PIEZO2: variants seen among roughly 807,000 people sequenced by gnomAD.
PIEZO2 encodes piezo type mechanosensitive ion channel component 2, also known as piezo-type mechanosensitive ion channel component 2.
In PIEZO2, 172 loss-of-function variants were observed where a neutral mutation model predicts 337.3. The observed-to-expected ratio is 0.51, with a 90% CI of 0.45 to 0.58. PIEZO2 has a LOEUF of 0.58. Among genes scored for constraint, PIEZO2 ranks in the 20% least tolerant of loss-of-function variants. PIEZO2 has a pLI of 0.00. For synonymous variants in PIEZO2, 1,251 were observed against 1,228.5 expected (o/e 1.02, Z -0.38); for missense variants, 3,028 against 3,391.3 (o/e 0.89, Z 2.66).
chr18:11,036,973 CAT>C lies in PIEZO2; in HGVS notation c.160+29152_160+29153del, dbSNP rs2036943377. ...TTTCTTATTTGTGTGCGTGTGTTTG[CAT>C]GTGTGTGTGTGACAGAGCGAGACTC... On this transcript the variant is annotated intron_variant, in intron 2 of 55. Coordinates refer to ENST00000674853, the MANE Select transcript of PIEZO2 (RefSeq NM_001378183.1). Among the ~76,000 whole-genome samples the C allele has an allele frequency of 2.0e-5, 3 of 152,116 alleles. No individual in the cohort carries two copies. In the South Asian group the frequency reaches 6.2e-4, roughly 32 times the overall value.
At chr18:11,139,034 T>A (rs955455215) in intron 1 of PIEZO2, among the ~76,000 whole-genome samples, 1 of 152,254 alleles carries the variant, frequency 6.6e-6, no homozygotes, top group African/African-American at 2.4e-5. Context: ...GCCAATGTTT[T>A]ACTCATAATC....
At position 11,028,602 on chromosome 18, in the gene PIEZO2, GCTTTATC is replaced by G. The variant is rs2036622211; in HGVS notation, c.160+37518_160+37524del. Among the ~76,000 whole-genome samples, 3 of 152,186 alleles carry G rather than the reference GCTTTATC, an allele frequency of 2.0e-5. No homozygotes were observed. The highest frequency in any genetic ancestry group is 4.4e-5 in the Non-Finnish European group (3 of 68,032). On this transcript the variant is annotated intron_variant, in intron 2 of 55. Coordinates refer to ENST00000674853, the MANE Select transcript of PIEZO2 (RefSeq NM_001378183.1). This position sits in a 1 kb window ranked among gnomAD's most constrained non-coding sequence, Gnocchi z 4.8. The stretch of plus-strand genomic sequence containing the variant: ...ATATGGTCATTGACACTGTCCTTCA[GCTTTATC>G]TGAACACCCCCATAACAATGTGTGA...
At chr18:10,721,710 A>G (rs916005817) in intron 36 of PIEZO2, among the ~76,000 whole-genome samples, 1 of 152,230 alleles carries the variant, frequency 6.6e-6, no homozygotes, top group Non-Finnish European at 1.5e-5. Flanking sequence ...ACAGAGTCTG[A>G]AAACACACCC....
chr18:10,925,624 G>T (rs147680745), intron 3 of PIEZO2, among the ~76,000 whole-genome samples: 2 of 152,282 alleles, frequency 1.3e-5, no homozygotes, highest in African/African-American at 4.8e-5. Flanking sequence ...CTGTCCCCCA[G>T]ACTGGAGTGC....
chr18:10,840,631 T>TA (rs141692621), intron 7 of PIEZO2, among the ~76,000 whole-genome samples: 16 of 147,518 alleles, frequency 1.1e-4, no homozygotes, highest in South Asian at 4.3e-4. Context: ...CTTTTGACAA[T>TA]AAAAAAAAAA....
intron 5 of PIEZO2, among the ~76,000 whole-genome samples, chr18:10,860,515 G>A (rs1443510215): frequency 6.6e-6 from 1 of 152,158 alleles, no homozygotes; most frequent in Non-Finnish European, 1.5e-5. Flanking sequence ...GCTATCGCCA[G>A]GACACCCACA....
chr18:10,921,000 C>T (rs555296283), intron 3 of PIEZO2, among the ~76,000 whole-genome samples: 29 of 152,228 alleles, frequency 1.9e-4, no homozygotes, highest in African/African-American at 7.0e-4. Context: ...TTGCAGTGAG[C>T]CAAGATCCTG....
chr18:11,012,646 A>G (rs1186602512), intron 2 of PIEZO2, among the ~76,000 whole-genome samples: 1 of 152,230 alleles, frequency 6.6e-6, no homozygotes, highest in Admixed American at 6.5e-5. Context: ...TAAACCAGAA[A>G]CTAGGCAGCC....
Position 10,705,366 on chromosome 18 carries a change from T to C in PIEZO2, c.5969A>G (p.Glu1990Gly). 3 of 1,536,756 alleles carry C rather than the reference T, an allele frequency of 2.0e-6. No individual in the cohort carries two copies. In the South Asian group the frequency reaches 3.6e-5, roughly 18 times the overall value. Residue 1990 changes from glutamate (E) to glycine (G), a missense_variant, in exon 41 of 56, where the codon GAG becomes GGG. This residue lies in a region of PIEZO2 where 1,925 missense variants were observed against 2,051.9 expected (regional missense o/e 0.94). Transcript: ENST00000674853. Reference sequence around the variant, plus strand: ...CAGCAGCAGCTCGCTGGCCGTCAGCTCATGGGTCAGGGGAGGTAAGATGCT... The same window carrying C: ...CAGCAGCAGCTCGCTGGCCGTCAGCCCATGGGTCAGGGGAGGTAAGATGCT... Reference protein sequence around the residue: ...GSSILPPLTHELTASELLLKK... With the variant: ...GSSILPPLTHGLTASELLLKK...
intron 54 of PIEZO2, among the ~76,000 whole-genome samples, chr18:10,674,058 G>A (rs777615574): frequency 6.6e-6 from 1 of 152,154 alleles, no homozygotes; most frequent in Non-Finnish European, 1.5e-5. Context: ...AATGGTACTT[G>A]ACAAAAAATG....
rs554105970 is a variant in PIEZO2, at chr18:10,713,518, C to A, written c.5423+1246G>T. Among the ~76,000 whole-genome samples, 5 of 152,120 alleles carry A rather than the reference C, an allele frequency of 3.3e-5. No homozygotes were observed. The highest frequency in any genetic ancestry group is 1.2e-4 in the African/African-American group (5 of 41,428). ...ATACTTTTCCAGGTCATTAGTGCCTCGCTCTAAAGTGTGACTCTAAAGCCA... is the reference window on the plus strand; with the variant it reads ...ATACTTTTCCAGGTCATTAGTGCCTAGCTCTAAAGTGTGACTCTAAAGCCA... On this transcript the variant is annotated intron_variant, in intron 39 of 55. Transcript: ENST00000674853. The surrounding 1 kb of genome is among the most constrained non-coding windows in gnomAD (Gnocchi z 4.5).
chr18:10,864,628 C>T (rs1016764062), intron 5 of PIEZO2, among the ~76,000 whole-genome samples: 1 of 152,062 alleles, frequency 6.6e-6, no homozygotes. Flanking sequence ...ATAAACATGC[C>T]CATAGATAAA....
At chr18:10,823,902 T>C (rs903706829) in intron 7 of PIEZO2, among the ~76,000 whole-genome samples, 9 of 152,238 alleles carry the variant, frequency 5.9e-5, no homozygotes, top group African/African-American at 2.2e-4. Flanking sequence ...CCACATTTCG[T>C]TCTGCCAGCA....
intron 1 of PIEZO2, among the ~76,000 whole-genome samples, chr18:11,072,121 C>A (rs1457736467): frequency 1.3e-5 from 2 of 152,188 alleles, no homozygotes; most frequent in South Asian, 4.1e-4. Flanking sequence ...TATGTCTCAT[C>A]CAGCACCCCT....
intron 2 of PIEZO2, among the ~76,000 whole-genome samples, chr18:10,998,599 T>C (rs2035418742): frequency 6.6e-6 from 1 of 152,116 alleles, no homozygotes; most frequent in Non-Finnish European, 1.5e-5. Flanking sequence ...TCATAACTCA[T>C]GCTAACTCCA....
intron 12 of PIEZO2, among the ~76,000 whole-genome samples, chr18:10,796,093 G>A (rs1568067528): frequency 6.6e-6 from 1 of 152,014 alleles, no homozygotes; most frequent in Non-Finnish European, 1.5e-5. Context: ...GGCCGGGCTT[G>A]GTGACTCATG....
chr18:11,037,103 T>C (rs943323079), intron 2 of PIEZO2, among the ~76,000 whole-genome samples: 2 of 152,188 alleles, frequency 1.3e-5, no homozygotes, highest in Non-Finnish European at 2.9e-5. Flanking sequence ...TAGCTGGGAT[T>C]ACAGACACCC....
chr18:10,833,513 T>C lies in PIEZO2; in HGVS notation c.917+21840A>G, dbSNP rs1250265756. Reference sequence around the variant, plus strand: ...GCTCCCCGGTGGGTTTTTATTTCTGTTGGAGTTCAGAATAACCCGTCTGTG... The same window carrying C: ...GCTCCCCGGTGGGTTTTTATTTCTGCTGGAGTTCAGAATAACCCGTCTGTG... On this transcript the variant is annotated intron_variant, in intron 7 of 55. Coordinates refer to ENST00000674853, the MANE Select transcript of PIEZO2 (RefSeq NM_001378183.1). This position sits in a 1 kb window ranked among gnomAD's most constrained non-coding sequence, Gnocchi z 4.7. Among the ~76,000 whole-genome samples the C allele has an allele frequency of 1.3e-5, 2 of 152,060 alleles. No individual in the cohort carries two copies. Among genetic ancestry groups the C allele is most frequent in the Non-Finnish European group, 1.5e-5 (1 of 67,990 alleles).
In PIEZO2 at chr18:11,094,485, C is replaced by CAT. The variant is rs1281371403; in HGVS notation, c.65-28264_65-28263insAT. On this transcript the variant is annotated intron_variant, in intron 1 of 55. Transcript: ENST00000674853. This position sits in a 1 kb window ranked among gnomAD's most constrained non-coding sequence, Gnocchi z 4.4. ...ACACAGGACCAACATGCAGGAGACT[C>CAT]AGACAGTTGTAGGTGCCTGAGAGTA... Among the ~76,000 whole-genome samples, 1 of 152,158 alleles carries CAT rather than the reference C, an allele frequency of 6.6e-6. No individual in the cohort carries two copies. Among genetic ancestry groups the CAT allele is most frequent in the Admixed American group, 6.5e-5 (1 of 15,284 alleles).
Sources: gnomAD v4.1 joint callset for allele counts (sites outside exome capture counted in the v4.1 genomes callset) on GRCh38, gnomAD v4.1.1 for gene constraint, gnomAD v4.1.1 regional missense constraint, Gnocchi (gnomAD v3.1) non-coding constraint, MANE v1.5 for transcripts, NCBI Gene and HGNC (gene_info 2026-07-23, HGNC 2026-07-21) for gene names.